MRPL45: variants seen among roughly 807,000 people sequenced by gnomAD.
The protein encoded by MRPL45 is mitochondrial ribosomal protein L45, also known as large ribosomal subunit protein mL45.
MRPL45 carries 20 observed loss-of-function variants against 38.1 expected under a neutral mutation model. The ratio of observed to expected loss-of-function variants is 0.53; its 90% confidence interval spans 0.37 to 0.76. The LOEUF (loss-of-function observed/expected upper bound fraction) is 0.76. Ranked by LOEUF, MRPL45 falls within the 30% of genes least tolerant of loss-of-function variation. The probability of loss-of-function intolerance (pLI) is 0.00; values close to 1 mark genes in which losing one functional copy is unlikely to be tolerated. For missense variants in MRPL45, 337 were observed against 395.6 expected, an observed-to-expected ratio of 0.85 and a Z score of 1.26; for synonymous variants, 105 against 128.8, an observed-to-expected ratio of 0.82 and a Z score of 1.25.
intron 4 of MRPL45, among the ~76,000 whole-genome samples, chr17:38,314,211 T>C (rs2037152884): frequency 6.6e-6 from 1 of 152,074 alleles, no homozygotes; most frequent in South Asian, 2.1e-4. Flanking sequence ...TTCAAGCAAT[T>C]CTCCTGCCTC....
chr17:38,299,134 C>T (rs1390275385), intron 2 of MRPL45, among the ~76,000 whole-genome samples: 6 of 151,998 alleles, frequency 3.9e-5, no homozygotes, highest in East Asian at 1.9e-4. Context: ...GTGATCCGCC[C>T]GCCTCGGCCT....
intron 7 of MRPL45, 22 bp from the exon 8 acceptor site, chr17:38,322,487 A>G: frequency 6.2e-7 from 1 of 1,608,706 alleles, no homozygotes; most frequent in Non-Finnish European, 8.5e-7. Flanking sequence ...TTGGTGGGTA[A>G]CCTGGCGTCC....
intron 3 of MRPL45, among the ~76,000 whole-genome samples, chr17:38,305,766 C>T (rs533371520): frequency 5.3e-5 from 8 of 151,872 alleles, no homozygotes; most frequent in South Asian, 2.1e-4. Context: ...CCTCAGCCTC[C>T]GGAGTAGCTG....
Position 38,297,236 on chromosome 17 carries a change from G to C in MRPL45, c.53G>C (p.Trp18Ser). The C allele has an allele frequency of 6.2e-7, 1 of 1,614,234 alleles. No homozygotes were observed. Among genetic ancestry groups the C allele is most frequent in the Non-Finnish European group, 8.5e-7 (1 of 1,180,036 alleles). Residue 18 changes from tryptophan to serine, a missense_variant, in exon 1 of 8, where the codon TGG becomes TCG. This residue lies in a region of MRPL45 where 60 missense variants were observed against 109.6 expected (regional missense o/e 0.55). Transcript: ENST00000613675. ...TCTTGTTTATCGAGGTTTTTGGGCTGGTGGTCTCGGCAGGTGGGTAGGGAC... is the reference window on the plus strand; with the variant it reads ...TCTTGTTTATCGAGGTTTTTGGGCTCGTGGTCTCGGCAGGTGGGTAGGGAC... ...GFSCLSRFLG[W>S]WSRQPVLVTQ... is the part of the protein sequence containing the mutation.
intron 3 of MRPL45, among the ~76,000 whole-genome samples, chr17:38,302,959 T>C (rs1010266795): frequency 1.3e-5 from 2 of 150,994 alleles, no homozygotes; most frequent in African/African-American, 2.4e-5. Context: ...CCTCAGGTGA[T>C]CCACCTTCCT....
In MRPL45 at chr17:38,320,674, A is replaced by G. The variant is rs1237395539; in HGVS notation, c.567A>G (p.Leu189=). The change falls in exon 6 of 8, where the codon TTA becomes TTG. Residue 189 remains leucine (L), a synonymous_variant. Transcript: ENST00000613675. The part of the protein sequence containing the change: ...KTVRWSFVES[L]EPSHVVQVRC... ...TCCGCTGGAGCTTTGTGGAATCTTT[A>G]GAGCCCTCTCATGTTGTTCAAGTTC... 3 of 1,614,172 alleles carry G rather than the reference A, an allele frequency of 1.9e-6. No homozygotes were observed. The South Asian group carries it at 3.3e-5, about 18-fold the overall frequency.
At chr17:38,303,785 G>T (rs1436481396) in intron 3 of MRPL45, among the ~76,000 whole-genome samples, 1 of 151,390 alleles carries the variant, frequency 6.6e-6, no homozygotes, top group East Asian at 1.9e-4. Context: ...GGAGTGCAGT[G>T]GTGCGATCTC....
intron 4 of MRPL45, among the ~76,000 whole-genome samples, chr17:38,311,401 C>T (rs1450753322): frequency 2.0e-5 from 3 of 151,890 alleles, no homozygotes; most frequent in Non-Finnish European, 2.9e-5. Context: ...AAAGGAGACC[C>T]GGGGATCCAG....
intron 4 of MRPL45, among the ~76,000 whole-genome samples, chr17:38,307,734 G>A (rs1266772623): frequency 2.0e-5 from 3 of 152,164 alleles, no homozygotes; most frequent in Non-Finnish European, 2.9e-5. Flanking sequence ...AGTACTAGCC[G>A]TGGACTGTTG....
intron 4 of MRPL45, among the ~76,000 whole-genome samples, chr17:38,312,390 A>G (rs939469356): frequency 2.0e-5 from 3 of 152,100 alleles, no homozygotes; most frequent in Admixed American, 6.6e-5. Context: ...CATTGTATGT[A>G]TATACACCAC....
intron 5 of MRPL45, 137 bp from the exon 6 acceptor site, chr17:38,320,481 T>C (rs572284080): frequency 3.6e-6 from 3 of 834,080 alleles, no homozygotes; most frequent in South Asian, 1.8e-5. Context: ...CAAGAGAAAA[T>C]AGGCACAAGA....
At chr17:38,310,869 C>T (rs1370523903) in intron 4 of MRPL45, among the ~76,000 whole-genome samples, 1 of 152,204 alleles carries the variant, frequency 6.6e-6, no homozygotes, top group Non-Finnish European at 1.5e-5. Flanking sequence ...GCAGTCCTCT[C>T]AGCCTCCCAA....
At chr17:38,319,257 G>T (rs1054792928) in intron 5 of MRPL45, among the ~76,000 whole-genome samples, 1 of 151,798 alleles carries the variant, frequency 6.6e-6, no homozygotes, top group Non-Finnish European at 1.5e-5. Flanking sequence ...GGATGGTCTC[G>T]ATCTTCTGAC....
At chr17:38,318,521 C>T (rs935630410) in intron 4 of MRPL45, among the ~76,000 whole-genome samples, 166 bp from the exon 5 acceptor site, 2 of 149,504 alleles carry the variant, frequency 1.3e-5, no homozygotes, top group Admixed American at 1.4e-4. Context: ...CATTATTGTT[C>T]GTGTTTGTGC....
chr17:38,318,759 C>A, intron 5 of MRPL45, 24 bp downstream of exon 5: 1 of 1,565,742 alleles, frequency 6.4e-7, no homozygotes, highest in Non-Finnish European at 8.8e-7. Context: ...CTCCTTAGAA[C>A]TGTGGGGTGA....
intron 5 of MRPL45, 133 bp from the exon 6 acceptor site, chr17:38,320,485 C>G: frequency 1.1e-6 from 1 of 885,170 alleles, no homozygotes; most frequent in Non-Finnish European, 1.8e-6. Flanking sequence ...AGAAAATAGG[C>G]ACAAGAGAGC....
In MRPL45 at chr17:38,298,520, T is replaced by C; in HGVS notation, c.138T>C (p.Tyr46=). The change falls in exon 2 of 8, where the codon TAT becomes TAC. Residue 46 remains tyrosine, a synonymous_variant. Transcript: ENST00000613675. The stretch of plus-strand genomic sequence containing the variant: ...AAAAACGTTTCACACCTCCTATTTA[T>C]CAACCTAAATTTAAAACAGAAAAGG... ...RTKKRFTPPI[Y]QPKFKTEKEF... The C allele has an allele frequency of 6.2e-7, 1 of 1,613,972 alleles. No individual in the cohort carries two copies.
intron 4 of MRPL45, among the ~76,000 whole-genome samples, chr17:38,313,511 C>G (rs9905265): frequency 0.71 from 105,913 of 148,596 alleles, 42,231 homozygotes; most frequent in East Asian, 0.91. Flanking sequence ...TGTGAGCCAC[C>G]ATGCCCAGCC....
At chr17:38,307,898 G>T (rs1164900047) in intron 4 of MRPL45, among the ~76,000 whole-genome samples, 3 of 151,854 alleles carry the variant, frequency 2.0e-5, no homozygotes, top group Admixed American at 1.3e-4. Context: ...ATGTTGCCCA[G>T]GCTGTTCTTG....
Sources: gnomAD v4.1 joint callset for allele counts (sites outside exome capture counted in the v4.1 genomes callset) on GRCh38, gnomAD v4.1.1 for gene constraint, gnomAD v4.1.1 regional missense constraint, MANE v1.5 for transcripts, NCBI Gene and HGNC (gene_info 2026-07-23, HGNC 2026-07-21) for gene names.